ABCB7: variants seen among roughly 807,000 people sequenced by gnomAD.
ABCB7 encodes iron-sulfur clusters transporter ABCB7, mitochondrial.
In ABCB7, 7 loss-of-function variants were observed where a neutral mutation model predicts 54.4. The ratio of observed to expected loss-of-function variants is 0.13; its 90% CI spans 0.07 to 0.24. The LOEUF is 0.24. ABCB7 is among the 10% of genes least tolerant of loss of function. The probability of loss-of-function intolerance (pLI) is 1.00; values close to 1 mark genes in which losing one functional copy is unlikely to be tolerated. For synonymous variants in ABCB7, 218 were observed against 207.1 expected, an observed-to-expected ratio of 1.05 and a Z score of -0.45; for missense variants, 356 against 570.4, an observed-to-expected ratio of 0.62 and a Z score of 3.83.
chrX:75,122,323 C>T (rs914745354), intron 1 of ABCB7, among the ~76,000 whole-genome samples: 17 of 111,045 alleles, frequency 1.5e-4, no homozygotes, highest in African/African-American at 5.6e-4. Context: ...GCTATGGCAA[C>T]ATCGGGAAGT....
At chrX:75,063,584 ATCTTCC>A (rs1320570887) in intron 13 of ABCB7, among the ~76,000 whole-genome samples, 1 of 110,921 alleles carries the variant, frequency 9.0e-6, no homozygotes, top group Non-Finnish European at 1.9e-5. Context: ...CATAAGTACT[ATCTTCC>A]CGCCTACCTA....
intron 13 of ABCB7, among the ~76,000 whole-genome samples, chrX:75,064,833 A>C (rs1359640394): frequency 1.9e-5 from 2 of 104,673 alleles, no homozygotes; most frequent in Non-Finnish European, 3.8e-5. Flanking sequence ...CTTAATATCA[A>C]ACACCTACAG....
intron 1 of ABCB7, among the ~76,000 whole-genome samples, chrX:75,141,763 C>A (rs2082055624): frequency 9.0e-6 from 1 of 111,071 alleles, no homozygotes; most frequent in Non-Finnish European, 1.9e-5. Context: ...TTCATTCTGA[C>A]AAACCGCCCT....
At chrX:75,129,502 G>A (rs898903169) in intron 1 of ABCB7, among the ~76,000 whole-genome samples, 4 of 109,482 alleles carry the variant, frequency 3.7e-5, no homozygotes, top group African/African-American at 1.3e-4. Flanking sequence ...TGTAGATGAC[G>A]GGTTGATGGA....
intron 1 of ABCB7, among the ~76,000 whole-genome samples, chrX:75,136,441 C>T (rs778457155): frequency 5.4e-5 from 6 of 111,497 alleles, no homozygotes; most frequent in African/African-American, 1.6e-4. Context: ...AGATTCAATG[C>T]TATTCCTATT....
chrX:75,102,486 G>A (rs1017382294), intron 3 of ABCB7, among the ~76,000 whole-genome samples: 7 of 111,305 alleles, frequency 6.3e-5, no homozygotes, highest in Admixed American at 2.9e-4. Flanking sequence ...CATCCATGTC[G>A]CTGCAAATGA....
At chrX:75,104,788 T>C (rs1461963523) in intron 3 of ABCB7, among the ~76,000 whole-genome samples, 1 of 111,374 alleles carries the variant, frequency 9.0e-6, no homozygotes, top group African/African-American at 3.3e-5. Context: ...TGAACACAGA[T>C]GTAAAAATCC....
At chrX:75,069,805 T>C (rs2081349922) in intron 10 of ABCB7, among the ~76,000 whole-genome samples, 1 of 111,576 alleles carries the variant, frequency 9.0e-6, no homozygotes, top group Admixed American at 9.5e-5. Context: ...GTACAAATAA[T>C]TCAACTTAAC....
chrX:75,147,999 C>T (rs1390547996), intron 1 of ABCB7, among the ~76,000 whole-genome samples: 2 of 111,320 alleles, frequency 1.8e-5, no homozygotes, highest in Non-Finnish European at 3.8e-5. Context: ...GCCTGTAATC[C>T]CAGCTACTTG....
intron 1 of ABCB7, among the ~76,000 whole-genome samples, chrX:75,124,092 C>A (rs2081904324): frequency 8.9e-6 from 1 of 112,012 alleles, no homozygotes; most frequent in African/African-American, 3.2e-5. Context: ...GCCCAAGAGC[C>A]ATTGATTGCT....
chrX:75,140,777 T>A (rs1319806863), intron 1 of ABCB7, among the ~76,000 whole-genome samples: 1 of 111,168 alleles, frequency 9.0e-6, no homozygotes, highest in Non-Finnish European at 1.9e-5. Flanking sequence ...TGTTCTGATA[T>A]GCTCTTTAAT....
At chrX:75,152,938 G>C (rs891996422) in intron 1 of ABCB7, among the ~76,000 whole-genome samples, 5 of 111,488 alleles carry the variant, frequency 4.5e-5, no homozygotes, top group Admixed American at 1.9e-4. Context: ...AGGATTACAG[G>C]CATGAGCCAC....
Position 75,076,612 on chromosome X carries a change from C to T in ABCB7, c.496G>A (p.Asp166Asn). 8.3e-7 allele frequency: 1 copy of T among 1,210,516 alleles called. No individual in the cohort carries two copies. The highest frequency in any genetic ancestry group is 1.8e-5 in the South Asian group (1 of 56,973). Residue 166 changes from aspartate (D) to asparagine (N), a missense_variant, in exon 5 of 16, where the codon GAC becomes AAC. Around this residue, in one of 2 missense-constraint regions of ABCB7, gnomAD observed 241 missense variants for 470.9 expected, o/e 0.51. Coordinates refer to ENST00000373394, the MANE Select transcript of ABCB7 (RefSeq NM_001271696.3). ...TTTCCCGACATCTGGTTGAGGCTGTCTACAGCATATTTAAACATGAAGGGA... is the reference window on the plus strand; with the variant it reads ...TTTCCCGACATCTGGTTGAGGCTGTTTACAGCATATTTAAACATGAAGGGA... ...VVPFMFKYAV[D>N]SLNQMSGNML...
rs768775418 is a variant in ABCB7, at chrX:75,099,478, T to C, written c.334-417A>G. Among the ~76,000 whole-genome samples, 164 of 111,405 alleles carry C rather than the reference T, an allele frequency of 1.5e-3. 1 individual carries two copies. Among genetic ancestry groups the C allele is most frequent in the Non-Finnish European group, 2.7e-3 (141 of 53,021 alleles). Reference sequence around the variant, plus strand: ...GTTTTTTATTTAAAACACTTTGGAGTCCCAAGTCTAAACTCATGGTAGAGC... The same window carrying C: ...GTTTTTTATTTAAAACACTTTGGAGCCCCAAGTCTAAACTCATGGTAGAGC... On this transcript the variant is annotated intron_variant, in intron 3 of 15. Transcript: ENST00000373394.
In ABCB7 at chrX:75,070,500, T is replaced by C. The variant is rs1175852840; in HGVS notation, c.1230A>G (p.Leu410=). The change falls in exon 10 of 16, where the codon CTA becomes CTG. Residue 410 remains leucine (L), a synonymous_variant. Transcript: ENST00000373394. The part of the protein sequence containing the change: ...IVAGTLTVGD[L]VMVNGLLFQL... Reference sequence around the variant, plus strand: ...GAAAAAGCAGTCCATTCACCATTACTAGATCTCCAACAGTAAGGGTACCTT... The same window carrying C: ...GAAAAAGCAGTCCATTCACCATTACCAGATCTCCAACAGTAAGGGTACCTT... 1.7e-6 allele frequency: 2 copies of C among 1,210,615 alleles called. No homozygotes were observed. Among genetic ancestry groups the C allele is most frequent in the Non-Finnish European group, 2.2e-6 (2 of 894,896 alleles).
chrX:75,082,194 T>C (rs1291570498), intron 4 of ABCB7, among the ~76,000 whole-genome samples: 1 of 110,766 alleles, frequency 9.0e-6, no homozygotes, highest in Non-Finnish European at 1.9e-5. Context: ...AAAAAAAATC[T>C]TAAAACCAGC....
Position 75,052,153 on chromosome X carries a change from T to C in ABCB7, c.*1217A>G, listed in dbSNP as rs1487303076. The C allele has an allele frequency of 9.0e-6, 1 of 111,676 alleles. No individual in the cohort carries two copies. The highest frequency in any genetic ancestry group is 3.3e-5 in the African/African-American group (1 of 30,664). 9.2% of individuals were successfully genotyped at this position (111,676 alleles called of 1,213,427 possible). On this transcript the variant is annotated 3_prime_UTR_variant, in exon 16 of 16. Coordinates refer to ENST00000373394, the MANE Select transcript of ABCB7 (RefSeq NM_001271696.3). ...ATGAAGGTTTTTTTCCTTCAAAAAG[T>C]ACATAGTTGCAAATACTTCAAAAAT...
At chrX:75,132,352 C>G (rs939797326) in intron 1 of ABCB7, among the ~76,000 whole-genome samples, 2 of 113,065 alleles carry the variant, frequency 1.8e-5, no homozygotes, top group African/African-American at 6.4e-5. Flanking sequence ...GGCTTGGGCC[C>G]GCAACACAGC....
chrX:75,106,635 T>G (rs1396249530), intron 3 of ABCB7, among the ~76,000 whole-genome samples: 2 of 111,929 alleles, frequency 1.8e-5, no homozygotes, highest in Admixed American at 9.4e-5. Context: ...CCAGTGATCC[T>G]ATTCCTGGGT....
Sources: gnomAD v4.1 joint callset for allele counts (sites outside exome capture counted in the v4.1 genomes callset) on GRCh38, gnomAD v4.1.1 for gene constraint, gnomAD v4.1.1 regional missense constraint, MANE v1.5 for transcripts, NCBI Gene and HGNC (gene_info 2026-07-23, HGNC 2026-07-21) for gene names.